The following DNAJC5 variants were observed in gnomAD, a reference collection of about 807,000 sequenced individuals.
DNAJC5 encodes the protein DnaJ heat shock protein family (Hsp40) member C5, also known as dnaJ homolog subfamily C member 5.
In DNAJC5, 1 loss-of-function variant was observed where a neutral mutation model predicts 23.2. That is an observed-to-expected ratio of 0.04 (90% CI 0.02 to 0.20). The LOEUF is 0.20. DNAJC5 is among the 10% of genes least tolerant of loss of function. The pLI is 1.00. For missense variants in DNAJC5, 180 were observed against 267.0 expected (o/e 0.67, Z 2.27); for synonymous variants, 136 against 120.0 (o/e 1.13, Z -0.87).
chr20:63,911,644 T>A (rs536764986), intron 1 of DNAJC5, among the ~76,000 whole-genome samples: 19 of 152,154 alleles, frequency 1.2e-4, no homozygotes, highest in Non-Finnish European at 2.2e-4. Context: ...TGAAATCTTT[T>A]GGGGATTTCT....
intron 1 of DNAJC5, among the ~76,000 whole-genome samples, chr20:63,925,851 G>A (rs780862596): frequency 6.2e-4 from 87 of 139,600 alleles, no homozygotes; most frequent in Non-Finnish European, 9.6e-4. Flanking sequence ...TTTTTGAGAC[G>A]GAGTCTCGCT....
chr20:63,928,252 T>G lies in DNAJC5; in HGVS notation c.-11-83T>G. On this transcript the variant is annotated intron_variant, in intron 1 of 4. Transcript: ENST00000360864. The surrounding 1 kb of genome is among the most constrained non-coding windows in gnomAD (Gnocchi z 4.6). ...TGTTGGATTCTTTTGCTTTGAACGG[T>G]CTTATGGAATAAAGTCCATCAGCTC... 1 of 1,132,082 alleles carries G rather than the reference T, an allele frequency of 8.8e-7. No individual in the cohort carries two copies. Among genetic ancestry groups the G allele is most frequent in the Non-Finnish European group, 1.3e-6 (1 of 761,896 alleles). 70.1% of individuals were successfully genotyped at this position (1,132,082 alleles called of 1,614,324 possible).
At position 63,931,469 on chromosome 20, in the gene DNAJC5, C is replaced by T; in HGVS notation, c.498C>T (p.Ala166=). 3 of 1,558,270 alleles carry T rather than the reference C, an allele frequency of 1.9e-6. No homozygotes were observed. The highest frequency in any genetic ancestry group is 1.2e-5 in the South Asian group (1 of 85,180). Residue 166 remains alanine (A), a synonymous_variant, in exon 5 of 5, where the codon GCC becomes GCT. Coordinates refer to ENST00000360864, the MANE Select transcript of DNAJC5 (RefSeq NM_025219.3). This position sits in a 1 kb window ranked among gnomAD's most constrained non-coding sequence, Gnocchi z 9.6. ...CCCTGTGTGCTTGCTTTTCAGAGGC[C>T]ACAGACACGCCGATCGTCATACAGC... ...EAQLQSDERE[A]TDTPIVIQPA... is the part of the protein sequence containing the mutation.
At chr20:63,905,261 G>T (rs895536254) in intron 1 of DNAJC5, among the ~76,000 whole-genome samples, 7 of 151,590 alleles carry the variant, frequency 4.6e-5, no homozygotes, top group African/African-American at 1.7e-4. Flanking sequence ...AACTGCAGGT[G>T]TGCACCACCA....
In DNAJC5 at chr20:63,927,535, T is replaced by TC. The variant is rs542283695; in HGVS notation, c.-11-790dup. The stretch of plus-strand genomic sequence containing the variant: ...AGCCTGGGCAACAAGAGCAAAACTG[T>TC]CCCCCCCCCCAAAAAAGAAAGAAAG... On this transcript the variant is annotated intron_variant, in intron 1 of 4. Transcript: ENST00000360864. Among the ~76,000 whole-genome samples, 1,049 of 138,458 alleles carry TC rather than the reference T, an allele frequency of 7.6e-3. 7 individuals carry two copies. Among genetic ancestry groups the TC allele is most frequent in the African/African-American group, 0.02 (755 of 37,172 alleles). The allele number at this position is 138,458 out of a possible 152,430, so 90.8% of individuals were successfully genotyped here.
At chr20:63,912,977 G>A (rs935270410) in intron 1 of DNAJC5, among the ~76,000 whole-genome samples, 1 of 86,148 alleles carries the variant, frequency 1.2e-5, no homozygotes, top group Non-Finnish European at 2.0e-5. Context: ...AGAAATGCCA[G>A]TTGTATTTTA....
At chr20:63,908,923 A>AATTGGGAGG in intron 1 of DNAJC5, 1 of 151,190 alleles carries the variant, frequency 6.6e-6, no homozygotes, top group South Asian at 2.1e-4. Context: ...ACATGGTGAA[A>AATTGGGAGG]CCCCCCCATC....
At chr20:63,924,456 G>A (rs1289734156) in intron 1 of DNAJC5, among the ~76,000 whole-genome samples, 1 of 152,174 alleles carries the variant, frequency 6.6e-6, no homozygotes, top group East Asian at 1.9e-4. Context: ...GCACGATCAT[G>A]GCTCACTGCA....
chr20:63,912,559 C>G (rs935567355), intron 1 of DNAJC5, among the ~76,000 whole-genome samples: 1 of 152,168 alleles, frequency 6.6e-6, no homozygotes, highest in African/African-American at 2.4e-5. Flanking sequence ...CAGTCCTTCC[C>G]TTGCCTGACC....
chr20:63,905,849 C>G (rs949804620), intron 1 of DNAJC5, among the ~76,000 whole-genome samples: 1 of 152,084 alleles, frequency 6.6e-6, no homozygotes, highest in African/African-American at 2.4e-5. Context: ...ATTCTCCTGC[C>G]TCAGCCTCCC....
In DNAJC5 at chr20:63,895,194, T is replaced by TGCCGCCGCTGCC. The variant is rs2053364895; in HGVS notation, c.-133_-132insTGCCGCCGCCGC. On this transcript the variant is annotated 5_prime_UTR_variant, in exon 1 of 5. Transcript: ENST00000360864. ...CTGCCGGTGCCGCACCCGCGCCCTC[T>TGCCGCCGCTGCC]GCCGCCGCCGCCGCCGCCGCCCGGG... The TGCCGCCGCTGCC allele has an allele frequency of 6.5e-6, 1 of 153,514 alleles. No homozygotes were observed. Among genetic ancestry groups the TGCCGCCGCTGCC allele is most frequent in the Non-Finnish European group, 1.4e-5 (1 of 69,816 alleles). The allele number at this position is 153,514 out of a possible 1,614,324, so 9.5% of individuals were successfully genotyped here.
Position 63,930,847 on chromosome 20 carries a change from C to T in DNAJC5, c.322-4C>T. The T allele has an allele frequency of 3.7e-6, 6 of 1,612,448 alleles. No homozygotes were observed. The highest frequency in any genetic ancestry group is 1.1e-5 in the South Asian group (1 of 91,018). On this transcript the variant is annotated splice_region_variant and splice_polypyrimidine_tract_variant and intron_variant, in intron 3 of 4. Coordinates refer to ENST00000360864, the MANE Select transcript of DNAJC5 (RefSeq NM_025219.3). Reference sequence around the variant, plus strand: ...CATGCAACACCACCTTCTTCTCCCCCCAGGCCCTGTTTGTCTTCTGCGGCC... The same window carrying T: ...CATGCAACACCACCTTCTTCTCCCCTCAGGCCCTGTTTGTCTTCTGCGGCC...
intron 1 of DNAJC5, among the ~76,000 whole-genome samples, chr20:63,908,332 T>G (rs1568977339): frequency 6.6e-6 from 1 of 152,164 alleles, no homozygotes; most frequent in Non-Finnish European, 1.5e-5. Context: ...AGTTAACGTT[T>G]CAGAGCGGGT....
chr20:63,927,851 T>C (rs1383108678), intron 1 of DNAJC5, among the ~76,000 whole-genome samples: 1 of 152,280 alleles, frequency 6.6e-6, no homozygotes, highest in Non-Finnish European at 1.5e-5. Context: ...TTCATTTTTC[T>C]TGTAACTTTT....
rs536602351 is a variant in DNAJC5 at position 63,932,584 on chromosome 20, C to A, written c.*1016C>A. 1.6e-4 allele frequency: 24 copies of A among 152,692 alleles called. No individual in the cohort carries two copies. The highest frequency in any genetic ancestry group is 5.5e-4 in the African/African-American group (23 of 41,572). 9.5% of individuals were successfully genotyped at this position (152,692 alleles called of 1,614,324 possible). ...CACCCAGCTACTGGGGACGGGGGCT[C>A]TCCCACGACCCCTCCTCCTGTGTTT... On this transcript the variant is annotated 3_prime_UTR_variant, in exon 5 of 5. Transcript: ENST00000360864. This position sits in a 1 kb window ranked among gnomAD's most constrained non-coding sequence, Gnocchi z 4.4.
chr20:63,927,549 AAAG>A (rs149497914), intron 1 of DNAJC5, among the ~76,000 whole-genome samples: 11,114 of 147,350 alleles, frequency 0.075, 514 homozygotes, highest in Non-Finnish European at 0.081. Context: ...CCCCCCCAAA[AAAG>A]AAAGAAAGAA....
At position 63,923,691 on chromosome 20, in the gene DNAJC5, C is replaced by T. The variant is rs1309328296; in HGVS notation, c.-11-4644C>T. Among the ~76,000 whole-genome samples the T allele has an allele frequency of 3.3e-5, 5 of 152,194 alleles. No homozygotes were observed. In the South Asian group the frequency reaches 6.2e-4, roughly 19 times the overall value. ...AGTGAGCTGAAATGTGACCACTGCA[C>T]TCCAGCCCGGGCAATAAAGTCAGGC... On this transcript the variant is annotated intron_variant, in intron 1 of 4. Transcript: ENST00000360864.
intron 1 of DNAJC5, among the ~76,000 whole-genome samples, chr20:63,897,400 A>G (rs2053382272): frequency 6.6e-6 from 1 of 151,706 alleles, no homozygotes; most frequent in South Asian, 2.1e-4. Flanking sequence ...ATCTTATAAA[A>G]AAAATAAAAA....
Position 63,931,588 on chromosome 20 carries a change from C to G in DNAJC5, c.*20C>G. 6.5e-7 allele frequency: 1 copy of G among 1,544,508 alleles called. No homozygotes were observed. Among genetic ancestry groups the G allele is most frequent in the Non-Finnish European group, 8.7e-7 (1 of 1,147,686 alleles). ...AACTAAATCCAGGAGGAGCTGTGGTCAGAGGAGGAGCCGGCGCCTGGCCAC... is the reference window on the plus strand; with the variant it reads ...AACTAAATCCAGGAGGAGCTGTGGTGAGAGGAGGAGCCGGCGCCTGGCCAC... On this transcript the variant is annotated 3_prime_UTR_variant, in exon 5 of 5. Transcript: ENST00000360864. The surrounding 1 kb of genome is among the most constrained non-coding windows in gnomAD (Gnocchi z 9.6).
Sources: allele counts gnomAD v4.1 joint callset (sites outside exome capture counted in the v4.1 genomes callset), GRCh38; gene constraint gnomAD v4.1.1; non-coding constraint Gnocchi (gnomAD v3.1); transcripts MANE v1.5; gene names NCBI Gene and HGNC (gene_info 2026-07-23, HGNC 2026-07-21).